Variants in LIG1 observed in about 807,000 individuals in gnomAD.
LIG1 encodes DNA ligase 1, also known as ligase I, DNA, ATP-dependent.
Under a neutral mutation model 115.7 loss-of-function variants are expected in LIG1, and 70 were observed. That is an observed-to-expected ratio of 0.60 (90% confidence interval 0.50 to 0.74). The LOEUF (loss-of-function observed/expected upper bound fraction) is 0.74. Ranked by LOEUF, LIG1 falls within the 30% of genes least tolerant of loss-of-function variation. LIG1 has a pLI of 0.00. For missense variants in LIG1, 1,115 were observed against 1,225.6 expected (o/e 0.91, Z 1.35); for synonymous variants, 487 against 495.3 (o/e 0.98, Z 0.22).
chr19:48,168,841 G>C (rs191965090), intron 1 of LIG1, among the ~76,000 whole-genome samples: 1 of 152,212 alleles, frequency 6.6e-6, no homozygotes, highest in East Asian at 1.9e-4. Context: ...CTTTAAATGG[G>C]CACTTTAAAT....
chr19:48,131,356 C>T (rs1353208920), intron 18 of LIG1, among the ~76,000 whole-genome samples, 185 bp from the exon 19 acceptor site: 6 of 152,210 alleles, frequency 3.9e-5, no homozygotes, highest in African/African-American at 1.2e-4. Context: ...CTGGAAGGCC[C>T]TACCATCATT....
chr19:48,137,413 G>C lies in LIG1; in HGVS notation c.1254+109C>G. Reference sequence around the variant, plus strand: ...GAGGAAGCTGTGCACCCCATGAGAAGGACTGATGCGACCCAGCTGATGGTC... The same window carrying C: ...GAGGAAGCTGTGCACCCCATGAGAACGACTGATGCGACCCAGCTGATGGTC... On this transcript the variant is annotated intron_variant, in intron 13 of 27. Transcript: ENST00000263274. The surrounding 1 kb of genome is among the most constrained non-coding windows in gnomAD (Gnocchi z 4.3). The C allele has an allele frequency of 1.4e-6, 2 of 1,386,794 alleles. No homozygotes were observed. Among genetic ancestry groups the C allele is most frequent in the South Asian group, 2.5e-5 (2 of 81,454 alleles). The allele number at this position is 1,386,794 out of a possible 1,614,324, so 85.9% of individuals were successfully genotyped here.
rs3731027 is a variant in LIG1 at position 48,121,269 on chromosome 19, G to A, written c.2286C>T (p.Ile762=). ...GCTTCCCCCGGCCCAGGTAGGCGCCGATCACCACCAGGTCCAGGGTGTCAC... is the reference window on the plus strand; with the variant it reads ...GCTTCCCCCGGCCCAGGTAGGCGCCAATCACCACCAGGTCCAGGGTGTCAC... ...GVGDTLDLVV[I]GAYLGRGKRA... The change falls in exon 24 of 28, where the codon ATC becomes ATT. Residue 762 remains isoleucine (I), a synonymous_variant. Coordinates refer to ENST00000263274, the MANE Select transcript of LIG1 (RefSeq NM_000234.3). 3.1e-3 allele frequency: 4,948 copies of A among 1,613,348 alleles called. 119 individuals carry two copies. The African/African-American group carries it at 0.055, about 18-fold the overall frequency.
chr19:48,133,872 G>A (rs1345928634), intron 17 of LIG1, 109 bp downstream of exon 17: 1 of 859,060 alleles, frequency 1.2e-6, no homozygotes, highest in Non-Finnish European at 1.9e-6. Context: ...TTTGGTGGGG[G>A]AGAGGACTCT....
At chr19:48,133,331 C>T (rs997050391) in intron 17 of LIG1, 4 of 556,994 alleles carry the variant, frequency 7.2e-6, no homozygotes, top group Non-Finnish European at 1.3e-5. Context: ...TGTGCAATGT[C>T]TGGCTCACAT....
At chr19:48,165,010 C>T (rs1034415573) in intron 2 of LIG1, among the ~76,000 whole-genome samples, 1 of 152,210 alleles carries the variant, frequency 6.6e-6, no homozygotes, top group East Asian at 1.9e-4. Flanking sequence ...CCTGAAATCC[C>T]AGCACTCTGG....
intron 18 of LIG1, among the ~76,000 whole-genome samples, chr19:48,132,074 GACTA>G (rs2034062072): frequency 6.6e-6 from 1 of 151,800 alleles, no homozygotes; most frequent in Admixed American, 6.6e-5. Flanking sequence ...GAGTAGCTGG[GACTA>G]CAGGCACACG....
intron 24 of LIG1, 110 bp downstream of exon 24, chr19:48,121,060 T>C: frequency 6.3e-7 from 1 of 1,593,006 alleles, no homozygotes; most frequent in Non-Finnish European, 8.6e-7. Flanking sequence ...AACGGATCCT[T>C]CACAGGGGGA....
intron 5 of LIG1, 22 bp downstream of exon 5, chr19:48,156,984 CTGAAGGGG>C: frequency 1.4e-6 from 2 of 1,382,950 alleles, no homozygotes; most frequent in Non-Finnish European, 1.9e-6. Context: ...AGGCAGGCGA[CTGAAGGGG>C]CAGGGGCCCG....
intron 18 of LIG1, among the ~76,000 whole-genome samples, chr19:48,132,766 G>A (rs941683401): frequency 9.1e-5 from 12 of 131,234 alleles, no homozygotes; most frequent in Non-Finnish European, 1.5e-4. Flanking sequence ...ACTCCAGCCT[G>A]GATGACAGAG....
At chr19:48,127,736 C>A (rs546352886) in intron 20 of LIG1, 174 bp downstream of exon 20, 4 of 735,440 alleles carry the variant, frequency 5.4e-6, no homozygotes, top group African/African-American at 5.1e-5. Context: ...ACTTGGGATG[C>A]TGGGATGAGA....
In LIG1 at chr19:48,127,896, G is replaced by A; in HGVS notation, c.1932+14C>T. ...GTACGGGGCCTTGGCAGGCAGTGGAGCGGGTGATGCTACCTTGCGTTTGCG... is the reference window on the plus strand; with the variant it reads ...GTACGGGGCCTTGGCAGGCAGTGGAACGGGTGATGCTACCTTGCGTTTGCG... On this transcript the variant is annotated intron_variant, in intron 20 of 27. Transcript: ENST00000263274. 6.2e-7 allele frequency: 1 copy of A among 1,604,648 alleles called. No homozygotes were observed. Among genetic ancestry groups the A allele is most frequent in the Non-Finnish European group, 8.5e-7 (1 of 1,171,614 alleles).
chr19:48,155,498 C>T (rs961909836), intron 5 of LIG1, among the ~76,000 whole-genome samples: 2 of 152,110 alleles, frequency 1.3e-5, no homozygotes, highest in East Asian at 1.9e-4. Context: ...TTCTAAGACT[C>T]GGCTCAGCCA....
Position 48,121,281 on chromosome 19 carries a change from G to A in LIG1, c.2274C>T (p.Asp758=), listed in dbSNP as rs565778694. ...CCAGGTAGGCGCCGATCACCACCAG[G>A]TCCAGGGTGTCACCCACGCCATCAA... The part of the protein sequence containing the change: ...DYLDGVGDTL[D]LVVIGAYLGR... The change falls in exon 24 of 28, where the codon GAC becomes GAT. Residue 758 remains aspartate, a synonymous_variant. Coordinates refer to ENST00000263274, the MANE Select transcript of LIG1 (RefSeq NM_000234.3). 25 of 1,612,128 alleles carry A rather than the reference G, an allele frequency of 1.6e-5. No homozygotes were observed. In the Admixed American group the frequency reaches 4.2e-4, roughly 27 times the overall value.
chr19:48,115,842 G>C (rs753676820), intron 27 of LIG1, 31 bp downstream of exon 27: 2 of 1,598,846 alleles, frequency 1.3e-6, no homozygotes, highest in Non-Finnish European at 1.7e-6. Context: ...CAAGCAGCTG[G>C]GCGGCCCACC....
chr19:48,116,109 A>G (rs2032796505), intron 26 of LIG1, 144 bp from the exon 27 acceptor site: 1 of 706,634 alleles, frequency 1.4e-6, no homozygotes, highest in South Asian at 1.5e-5. Context: ...AAGTTGACAA[A>G]GTGCTTGGAA....
chr19:48,124,771 T>A (rs1016452725), intron 21 of LIG1, among the ~76,000 whole-genome samples: 1 of 152,172 alleles, frequency 6.6e-6, no homozygotes, highest in East Asian at 1.9e-4. Context: ...TCTCAGCGCT[T>A]TGGAAAGCGG....
intron 16 of LIG1, among the ~76,000 whole-genome samples, chr19:48,134,767 TG>T (rs2034274049): frequency 6.6e-6 from 1 of 152,258 alleles, no homozygotes; most frequent in African/African-American, 2.4e-5. Context: ...GAGCCCCACG[TG>T]CAGGCAGAGT....
chr19:48,147,184 C>A (rs1225902927), intron 9 of LIG1: 1 of 152,140 alleles, frequency 6.6e-6, no homozygotes, highest in East Asian at 1.9e-4. Flanking sequence ...GGACTCACTG[C>A]GTCATACTTT....
Sources: allele counts gnomAD v4.1 joint callset (sites outside exome capture counted in the v4.1 genomes callset), GRCh38; gene constraint gnomAD v4.1.1; non-coding constraint Gnocchi (gnomAD v3.1); transcripts MANE v1.5; gene names NCBI Gene and HGNC (gene_info 2026-07-23, HGNC 2026-07-21).